The following RFFL variants were observed in gnomAD, a reference collection of about 807,000 sequenced individuals.
RFFL encodes ring finger and FYVE like domain containing E3 ubiquitin protein ligase.
In RFFL, 16 loss-of-function variants were observed where a neutral mutation model predicts 40.4. The observed-to-expected ratio is 0.40, with a 90% CI of 0.27 to 0.60. The LOEUF is 0.60. RFFL is among the 20% of genes least tolerant of loss of function. The pLI, the probability that RFFL is intolerant of heterozygous loss-of-function variation, is 0.47. For missense variants in RFFL, 367 were observed against 451.7 expected, an observed-to-expected ratio of 0.81 and a Z score of 1.70; for synonymous variants, 154 against 167.9, an observed-to-expected ratio of 0.92 and a Z score of 0.64.
intron 6 of RFFL, among the ~76,000 whole-genome samples, chr17:35,013,684 C>A (rs539335763): frequency 6.6e-6 from 1 of 152,298 alleles, no homozygotes; most frequent in South Asian, 2.1e-4. Context: ...GGAGACTATA[C>A]AAATACCTAA....
At chr17:35,085,460 G>C (rs192021545) in intron 1 of RFFL, among the ~76,000 whole-genome samples, 2 of 152,262 alleles carry the variant, frequency 1.3e-5, no homozygotes, top group Admixed American at 6.5e-5. Flanking sequence ...ATGGAGTTTC[G>C]CTCTTGTTGC....
chr17:35,052,866 TCTG>T (rs1294774184), intron 1 of RFFL, among the ~76,000 whole-genome samples: 1 of 152,204 alleles, frequency 6.6e-6, no homozygotes, highest in African/African-American at 2.4e-5. Context: ...AAGAGAATTC[TCTG>T]CTATGAGACT....
intron 1 of RFFL, among the ~76,000 whole-genome samples, chr17:35,027,208 C>T (rs2091047290): frequency 6.6e-6 from 1 of 152,208 alleles, no homozygotes; most frequent in Non-Finnish European, 1.5e-5. Context: ...ACTACTCTTA[C>T]ATTTGTACCC....
intron 1 of RFFL, among the ~76,000 whole-genome samples, chr17:35,057,446 C>T (rs772185585): frequency 8.4e-4 from 127 of 151,930 alleles, no homozygotes; most frequent in Admixed American, 1.4e-3. Flanking sequence ...TTCTCCCTAG[C>T]TCTTTTCACA....
intron 1 of RFFL, among the ~76,000 whole-genome samples, chr17:35,071,822 T>C (rs1486266380): frequency 4.6e-5 from 7 of 152,076 alleles, no homozygotes; most frequent in Admixed American, 2.6e-4. Context: ...TTCCGGTGAA[T>C]AGTTAAACAG....
chr17:35,056,182 C>G (rs1188266890), intron 1 of RFFL, among the ~76,000 whole-genome samples: 1 of 152,052 alleles, frequency 6.6e-6, no homozygotes, highest in Non-Finnish European at 1.5e-5. Context: ...CTTGAATTCC[C>G]CTTACAGACT....
chr17:35,062,372 CA>C (rs1201064891), intron 1 of RFFL, among the ~76,000 whole-genome samples: 25 of 151,898 alleles, frequency 1.6e-4, no homozygotes, highest in African/African-American at 6.0e-4. Context: ...CACTGCACTG[CA>C]GCCTGGGTGA....
In RFFL at chr17:35,009,199, G is replaced by A. The variant is rs1429463857; in HGVS notation, c.*2769C>T. 1 of 152,622 alleles carries A rather than the reference G, an allele frequency of 6.6e-6. No homozygotes were observed. The highest frequency in any genetic ancestry group is 6.5e-5 in the Admixed American group (1 of 15,282). 9.5% of individuals were successfully genotyped at this position (152,622 alleles called of 1,614,324 possible). A position where few individuals can be genotyped will look rare whatever the true frequency, so the allele number is the denominator to read the frequency against. The stretch of plus-strand genomic sequence containing the variant: ...CATTTGGGTTTGCTTTAACCTCCAA[G>A]TAAGTCTGAGAAAATCTTAATAAAA... On this transcript the variant is annotated 3_prime_UTR_variant, in exon 7 of 7. Transcript: ENST00000394597.
intron 1 of RFFL, among the ~76,000 whole-genome samples, chr17:35,033,864 C>A (rs1294482328): frequency 2.0e-5 from 3 of 151,662 alleles, no homozygotes; most frequent in Non-Finnish European, 4.4e-5. Context: ...AATAATAGGC[C>A]AGGCACAGTG....
intron 1 of RFFL, among the ~76,000 whole-genome samples, chr17:35,048,273 G>A (rs979452390): frequency 6.6e-6 from 1 of 151,770 alleles, no homozygotes; most frequent in Non-Finnish European, 1.5e-5. Flanking sequence ...GTGGCGGTGT[G>A]CACCTGTAGT....
intron 1 of RFFL, among the ~76,000 whole-genome samples, chr17:35,078,528 C>T (rs2091388381): frequency 6.6e-6 from 1 of 152,176 alleles, no homozygotes; most frequent in Non-Finnish European, 1.5e-5. Flanking sequence ...TCTTGATCTC[C>T]TGGGCTCCAG....
intron 1 of RFFL, among the ~76,000 whole-genome samples, chr17:35,072,605 CCAT>C (rs1385088062): frequency 6.6e-6 from 1 of 151,962 alleles, no homozygotes; most frequent in Non-Finnish European, 1.5e-5. Context: ...ACACAGAGCA[CCAT>C]GTCAGTTTCC....
intron 1 of RFFL, among the ~76,000 whole-genome samples, chr17:35,084,777 T>C (rs901063775): frequency 6.6e-6 from 1 of 150,596 alleles, no homozygotes; most frequent in Non-Finnish European, 1.5e-5. Flanking sequence ...GTGCCTGTAA[T>C]CCCAGCCGCT....
intron 1 of RFFL, among the ~76,000 whole-genome samples, chr17:35,046,511 C>T (rs2091201145): frequency 6.6e-6 from 1 of 152,084 alleles, no homozygotes; most frequent in Non-Finnish European, 1.5e-5. Context: ...CAAAATGATA[C>T]AGGAACCAGA....
At chr17:35,040,150 C>A (rs1165373521) in intron 1 of RFFL, among the ~76,000 whole-genome samples, 1 of 152,172 alleles carries the variant, frequency 6.6e-6, no homozygotes, top group Admixed American at 6.6e-5. Context: ...CGACTCTCCC[C>A]CTCTAAACAT....
intron 1 of RFFL, among the ~76,000 whole-genome samples, chr17:35,080,009 A>C (rs1176633579): frequency 6.6e-6 from 1 of 152,114 alleles, no homozygotes; most frequent in Non-Finnish European, 1.5e-5. Flanking sequence ...CTTGCACATA[A>C]TTTTAGCCCC....
intron 2 of RFFL, among the ~76,000 whole-genome samples, chr17:35,023,583 T>C (rs560604038): frequency 3.0e-4 from 46 of 152,298 alleles, no homozygotes; most frequent in African/African-American, 1.0e-3. Flanking sequence ...ATCTAAAGCT[T>C]TTCTATTGGG....
upstream of RFFL, among the ~76,000 whole-genome samples, chr17:35,067,408 A>G (rs2091325860): frequency 6.7e-6 from 1 of 148,408 alleles, no homozygotes; most frequent in Non-Finnish European, 1.5e-5. Context: ...GTGAGTCACC[A>G]TGCCTGGCCA....
chr17:35,087,305 TACGCCACTGC>T (rs1434861515), intron 1 of RFFL, among the ~76,000 whole-genome samples: 2 of 151,714 alleles, frequency 1.3e-5, no homozygotes, highest in Non-Finnish European at 2.9e-5. Context: ...GAGCCATGAT[TACGCCACTGC>T]ACGCCAGTCT....
Sources: allele counts gnomAD v4.1 joint callset (sites outside exome capture counted in the v4.1 genomes callset), GRCh38; gene constraint gnomAD v4.1.1; transcripts MANE v1.5; gene names NCBI Gene and HGNC (gene_info 2026-07-23, HGNC 2026-07-21).